Variants in ADGRB1 observed in about 807,000 individuals in gnomAD.
ADGRB1 encodes the protein brain-specific angiogenesis inhibitor 1.
ADGRB1 carries 36 observed loss-of-function variants against 175.7 expected under a neutral mutation model. The observed-to-expected ratio is 0.20, with a 90% CI of 0.16 to 0.27. The LOEUF (loss-of-function observed/expected upper bound fraction) is 0.27. Among genes scored for constraint, ADGRB1 ranks in the 10% least tolerant of loss-of-function variants. The pLI, the probability that ADGRB1 is intolerant of heterozygous loss-of-function variation, is 1.00. For synonymous variants in ADGRB1, 1,054 were observed against 979.4 expected (o/e 1.08, Z -1.42); for missense variants, 1,731 against 2,255.3 (o/e 0.77, Z 4.71).
intron 17 of ADGRB1, among the ~76,000 whole-genome samples, chr8:142,500,250 G>A (rs1395432422): frequency 4.0e-5 from 2 of 49,388 alleles, no homozygotes; most frequent in African/African-American, 6.1e-5. Flanking sequence ...CCCACGCGCC[G>A]CTCCTCCACC....
chr8:142,530,072 G>A (rs1309188017), intron 24 of ADGRB1, among the ~76,000 whole-genome samples: 1 of 152,166 alleles, frequency 6.6e-6, no homozygotes, highest in East Asian at 1.9e-4. Context: ...ACATGTGAGT[G>A]TGCATCTGTG....
chr8:142,470,139 C>T (rs989817402), intron 2 of ADGRB1, among the ~76,000 whole-genome samples: 2 of 152,178 alleles, frequency 1.3e-5, no homozygotes, highest in African/African-American at 2.4e-5. Flanking sequence ...GCAACTGTTC[C>T]CCTCCACCTC....
intron 25 of ADGRB1, among the ~76,000 whole-genome samples, chr8:142,534,301 T>G (rs1475640879): frequency 1.3e-5 from 2 of 152,202 alleles, no homozygotes; most frequent in Non-Finnish European, 2.9e-5. Context: ...TTTTCCGGCC[T>G]TAGGTGGCGA....
In ADGRB1 at chr8:142,502,134, A is replaced by G. The variant is rs543591666; in HGVS notation, c.2676-8798A>G. Among the ~76,000 whole-genome samples, 5 of 122,166 alleles carry G rather than the reference A, an allele frequency of 4.1e-5. No individual in the cohort carries two copies. The South Asian group carries it at 9.3e-4, about 23-fold the overall frequency. The allele number at this position is 122,166 out of a possible 152,430, so 80.1% of individuals were successfully genotyped here. On this transcript the variant is annotated intron_variant, in intron 17 of 30. Transcript: ENST00000517894. ...CGGAGGTGAGGTGGTGGGGGTGATTATGGAGTGGTGGTGGTGATGATGGGG... is the reference window on the plus strand; with the variant it reads ...CGGAGGTGAGGTGGTGGGGGTGATTGTGGAGTGGTGGTGGTGATGATGGGG...
chr8:142,451,433 C>A (rs931181368), intron 1 of ADGRB1, among the ~76,000 whole-genome samples: 7 of 151,904 alleles, frequency 4.6e-5, no homozygotes, highest in Non-Finnish European at 1.0e-4. Context: ...AGCACCCGTC[C>A]CCGCCGCGAC....
Position 142,474,761 on chromosome 8 carries a change from A to C in ADGRB1, c.785-713A>C, listed in dbSNP as rs1206019396. Among the ~76,000 whole-genome samples the C allele has an allele frequency of 6.6e-6, 1 of 152,112 alleles. No homozygotes were observed. The highest frequency in any genetic ancestry group is 2.4e-5 in the African/African-American group (1 of 41,426). On this transcript the variant is annotated intron_variant, in intron 2 of 30. Transcript: ENST00000517894. The surrounding 1 kb of genome is among the most constrained non-coding windows in gnomAD (Gnocchi z 5.8). Reference sequence around the variant, plus strand: ...GGGATGGAGAAAGACTCACTAGAGAAGCTGAACAGAGCGGCCGGGGTCAGG... The same window carrying C: ...GGGATGGAGAAAGACTCACTAGAGACGCTGAACAGAGCGGCCGGGGTCAGG...
chr8:142,459,892 C>T (rs1355969581), intron 1 of ADGRB1, among the ~76,000 whole-genome samples: 1 of 152,252 alleles, frequency 6.6e-6, no homozygotes, highest in African/African-American at 2.4e-5. Context: ...CCCCTGCCCC[C>T]AGCAGGCAGA....
chr8:142,487,541 C>A (rs1046436075), intron 13 of ADGRB1, among the ~76,000 whole-genome samples: 1 of 152,222 alleles, frequency 6.6e-6, no homozygotes, highest in Non-Finnish European at 1.5e-5. Context: ...CCTCCTCTCC[C>A]TGCCGCATCT....
At chr8:142,505,743 A>G (rs540086592) in intron 17 of ADGRB1, among the ~76,000 whole-genome samples, 12 of 152,290 alleles carry the variant, frequency 7.9e-5, no homozygotes, top group African/African-American at 2.6e-4. Context: ...GCGGCCTGAC[A>G]TATTTCAAAT....
At chr8:142,450,842 A>G (rs1030539526) in intron 1 of ADGRB1, among the ~76,000 whole-genome samples, 1 of 151,648 alleles carries the variant, frequency 6.6e-6, no homozygotes, top group Non-Finnish European at 1.5e-5. Context: ...CTCCTTGTCT[A>G]CCTTTCCACT....
chr8:142,536,170 T>G (rs1455215984), intron 25 of ADGRB1, among the ~76,000 whole-genome samples: 1 of 151,962 alleles, frequency 6.6e-6, no homozygotes, highest in Non-Finnish European at 1.5e-5. Context: ...CCAACTTCTG[T>G]TTGGATGCCT....
chr8:142,461,022 CA>C (rs1338760844), intron 1 of ADGRB1, among the ~76,000 whole-genome samples: 6 of 152,212 alleles, frequency 3.9e-5, no homozygotes, highest in Non-Finnish European at 7.4e-5. Context: ...CAGCTGGTGA[CA>C]ATGAGGGGCG....
chr8:142,509,547 C>T (rs904240358), intron 17 of ADGRB1, among the ~76,000 whole-genome samples: 4 of 152,188 alleles, frequency 2.6e-5, no homozygotes, highest in African/African-American at 9.7e-5. Context: ...CCTCAGCCCC[C>T]GTTGGTACAG....
intron 17 of ADGRB1, among the ~76,000 whole-genome samples, chr8:142,499,138 C>A (rs1209725237): frequency 6.6e-6 from 1 of 152,202 alleles, no homozygotes; most frequent in African/African-American, 2.4e-5. Flanking sequence ...TCACTGGCAC[C>A]CACACACAGG....
chr8:142,536,218 A>C (rs1844914011), intron 25 of ADGRB1, among the ~76,000 whole-genome samples: 3 of 132,724 alleles, frequency 2.3e-5, no homozygotes, highest in East Asian at 2.7e-4. Flanking sequence ...GCCCCCCACC[A>C]CCCCCAAGGA....
chr8:142,486,010 C>G (rs1841649980), intron 13 of ADGRB1, among the ~76,000 whole-genome samples: 1 of 152,158 alleles, frequency 6.6e-6, no homozygotes. Flanking sequence ...CCACCCTCGC[C>G]CTCCCAAAGG....
intron 24 of ADGRB1, among the ~76,000 whole-genome samples, chr8:142,530,423 G>A (rs1432164000): frequency 6.6e-6 from 1 of 152,108 alleles, no homozygotes; most frequent in Non-Finnish European, 1.5e-5. Flanking sequence ...GGGTCATTTC[G>A]TCCGTGCCCT....
chr8:142,452,795 G>A (rs1321152645), intron 1 of ADGRB1, among the ~76,000 whole-genome samples: 1 of 151,924 alleles, frequency 6.6e-6, no homozygotes, highest in Non-Finnish European at 1.5e-5. Context: ...GCCTCCGGGA[G>A]TGGGTCGTGG....
intron 17 of ADGRB1, among the ~76,000 whole-genome samples, chr8:142,509,730 T>C (rs1356108802): frequency 6.6e-5 from 10 of 152,206 alleles, no homozygotes; most frequent in Non-Finnish European, 1.5e-4. Flanking sequence ...GTGTCCCGGC[T>C]ACTTAGGGAG....
Sources: allele counts gnomAD v4.1 joint callset (sites outside exome capture counted in the v4.1 genomes callset), GRCh38; gene constraint gnomAD v4.1.1; non-coding constraint Gnocchi (gnomAD v3.1); transcripts MANE v1.5; gene names NCBI Gene and HGNC (gene_info 2026-07-23, HGNC 2026-07-21).